Variants in ST6GALNAC5 observed in about 807,000 individuals in gnomAD.
ST6GALNAC5 encodes ST6 N-acetylgalactosaminide alpha-2,6-sialyltransferase 5, also known as alpha-N-acetylgalactosaminide alpha-2,6-sialyltransferase 5.
In ST6GALNAC5, 27 loss-of-function variants were observed where a neutral mutation model predicts 33.6. The ratio of observed to expected loss-of-function variants is 0.80; its 90% CI spans 0.59 to 1.11. ST6GALNAC5 has a LOEUF of 1.11. Among genes scored for constraint, ST6GALNAC5 ranks in the 50% least tolerant of loss-of-function variants. ST6GALNAC5 has a pLI of 0.00. For missense variants in ST6GALNAC5, 428 were observed against 454.0 expected (o/e 0.94, Z 0.52); for synonymous variants, 194 against 171.2 (o/e 1.13, Z -1.04).
rs184282762 is a variant in ST6GALNAC5, at chr1:76,909,566, C to T, written c.261+40824C>T. 2.7e-3 allele frequency among the ~76,000 whole-genome samples: 411 copies of T among 151,906 alleles called. 3 individuals carry two copies. Among genetic ancestry groups the T allele is most frequent in the Admixed American group, 0.023 (347 of 15,222 alleles). ...TTCACTGTCACAGGCTGGCAAGACACGGTCTTAGATCTAGTAAAATTGTTG... is the reference window on the plus strand; with the variant it reads ...TTCACTGTCACAGGCTGGCAAGACATGGTCTTAGATCTAGTAAAATTGTTG... On this transcript the variant is annotated intron_variant, in intron 2 of 4. Transcript: ENST00000477717.
At chr1:76,898,397 T>C (rs1369344262) in intron 2 of ST6GALNAC5, among the ~76,000 whole-genome samples, 2 of 152,302 alleles carry the variant, frequency 1.3e-5, no homozygotes, top group East Asian at 3.9e-4. Flanking sequence ...TACTCTATTA[T>C]TGTACACCTT....
Position 77,063,403 on chromosome 1 carries a change from C to A in ST6GALNAC5, c.*197C>A. 1.7e-6 allele frequency: 1 copy of A among 586,478 alleles called. No homozygotes were observed. The highest frequency in any genetic ancestry group is 3.0e-6 in the Non-Finnish European group (1 of 328,482). 36.3% of individuals were successfully genotyped at this position (586,478 alleles called of 1,614,324 possible). On this transcript the variant is annotated 3_prime_UTR_variant, in exon 5 of 5. Transcript: ENST00000477717. ...GGAAAAATTCCGGAATTAATGCATC[C>A]TAATGAATGTTGTCCCCTTCAATGG...
chr1:76,897,691 G>A (rs1039210785), intron 2 of ST6GALNAC5, among the ~76,000 whole-genome samples: 3 of 152,174 alleles, frequency 2.0e-5, no homozygotes, highest in Non-Finnish European at 4.4e-5. Context: ...AGATGTAGCT[G>A]TAATCCAGGA....
At chr1:77,036,549 T>A (rs1411564583) in intron 2 of ST6GALNAC5, among the ~76,000 whole-genome samples, 1 of 152,224 alleles carries the variant, frequency 6.6e-6, no homozygotes, top group Non-Finnish European at 1.5e-5. Context: ...CATATGCAGA[T>A]TCCAAATACT....
chr1:76,981,649 T>C (rs998573251), intron 2 of ST6GALNAC5, among the ~76,000 whole-genome samples: 1 of 61,506 alleles, frequency 1.6e-5, no homozygotes, highest in Non-Finnish European at 3.5e-5. Flanking sequence ...CTCCCAGCAT[T>C]GCATTTGAGC....
intron 2 of ST6GALNAC5, among the ~76,000 whole-genome samples, chr1:76,925,139 AC>A (rs1647072177): frequency 6.6e-6 from 1 of 151,894 alleles, no homozygotes; most frequent in Non-Finnish European, 1.5e-5. Flanking sequence ...CTTTTAAACA[AC>A]CAGATCAGTC....
intron 2 of ST6GALNAC5, among the ~76,000 whole-genome samples, chr1:76,904,802 G>T (rs1570657349): frequency 1.3e-5 from 2 of 151,650 alleles, no homozygotes; most frequent in African/African-American, 4.9e-5. Context: ...GCCAGCCTGG[G>T]CAACAGAGTG....
intron 2 of ST6GALNAC5, among the ~76,000 whole-genome samples, chr1:76,933,632 A>G (rs1229714846): frequency 6.6e-6 from 1 of 151,870 alleles, no homozygotes; most frequent in Non-Finnish European, 1.5e-5. Context: ...ATGGCGTAAG[A>G]ACTGCTGTGT....
At chr1:76,889,089 A>G (rs756838970) in intron 2 of ST6GALNAC5, among the ~76,000 whole-genome samples, 19 of 152,060 alleles carry the variant, frequency 1.2e-4, no homozygotes, top group Non-Finnish European at 1.8e-4. Flanking sequence ...TCTGGTAACC[A>G]TCATTCTACT....
intron 2 of ST6GALNAC5, among the ~76,000 whole-genome samples, chr1:77,009,873 G>A (rs1005060364): frequency 6.6e-6 from 1 of 152,110 alleles, no homozygotes; most frequent in African/African-American, 2.4e-5. Flanking sequence ...TTAATAGAGT[G>A]ACCTTGATCC....
chr1:76,897,620 GT>G (rs963681163), intron 2 of ST6GALNAC5, among the ~76,000 whole-genome samples: 1 of 150,580 alleles, frequency 6.6e-6, no homozygotes, highest in Non-Finnish European at 1.5e-5. Context: ...GTGGGTTAAG[GT>G]GGGGGGATAC....
intron 2 of ST6GALNAC5, among the ~76,000 whole-genome samples, chr1:76,875,308 A>G (rs1272378754): frequency 6.6e-6 from 1 of 152,022 alleles, no homozygotes. Flanking sequence ...TTGTAGTCCT[A>G]CCTGGATTGG....
chr1:76,872,749 T>C (rs1404824651), intron 2 of ST6GALNAC5, among the ~76,000 whole-genome samples: 2 of 152,228 alleles, frequency 1.3e-5, no homozygotes, highest in African/African-American at 4.8e-5. Context: ...AATGAATGAC[T>C]GAAATGAATG....
At chr1:76,930,298 G>C (rs1172640869) in intron 2 of ST6GALNAC5, among the ~76,000 whole-genome samples, 1 of 152,140 alleles carries the variant, frequency 6.6e-6, no homozygotes, top group Non-Finnish European at 1.5e-5. Flanking sequence ...ATCTGGCATA[G>C]AGTGCATACT....
At chr1:77,059,462 G>T (rs1356319916) in intron 4 of ST6GALNAC5, among the ~76,000 whole-genome samples, 1 of 152,148 alleles carries the variant, frequency 6.6e-6, no homozygotes, top group Non-Finnish European at 1.5e-5. Context: ...TTAGATTGAG[G>T]TTATGCATTA....
At chr1:77,018,082 G>A (rs1650916746) in intron 2 of ST6GALNAC5, among the ~76,000 whole-genome samples, 1 of 152,142 alleles carries the variant, frequency 6.6e-6, no homozygotes, top group Admixed American at 6.5e-5. Flanking sequence ...GTTTCATTCT[G>A]AATGATGGAG....
intron 2 of ST6GALNAC5, among the ~76,000 whole-genome samples, chr1:76,968,930 A>G (rs879839478): frequency 9.2e-5 from 14 of 152,266 alleles, no homozygotes; most frequent in Non-Finnish European, 1.9e-4. Flanking sequence ...TGGCTTGTAG[A>G]GTTTCTGCCA....
At chr1:76,906,765 T>G (rs1420572847) in intron 2 of ST6GALNAC5, among the ~76,000 whole-genome samples, 2 of 151,984 alleles carry the variant, frequency 1.3e-5, no homozygotes, top group East Asian at 3.9e-4. Flanking sequence ...CAACTCCGGG[T>G]CTCCCTCCTG....
At chr1:76,896,463 C>A (rs923685317) in intron 2 of ST6GALNAC5, among the ~76,000 whole-genome samples, 2 of 152,096 alleles carry the variant, frequency 1.3e-5, no homozygotes, top group Non-Finnish European at 2.9e-5. Context: ...TTCTAAGAGG[C>A]GGGCTAGTGG....
Sources: gnomAD v4.1 joint callset for allele counts (sites outside exome capture counted in the v4.1 genomes callset) on GRCh38, gnomAD v4.1.1 for gene constraint, MANE v1.5 for transcripts, NCBI Gene and HGNC (gene_info 2026-07-23, HGNC 2026-07-21) for gene names.